Variants in MYZAP observed in about 807,000 individuals in gnomAD.
MYZAP encodes the protein GRINL1A complex locus upstream.
In MYZAP, 66 loss-of-function variants were observed where a neutral mutation model predicts 69.4. The ratio of observed to expected loss-of-function variants is 0.95; its 90% confidence interval spans 0.78 to 1.17. MYZAP has a LOEUF of 1.17. Among genes scored for constraint, MYZAP ranks in the 50% most tolerant of loss-of-function variants. The probability of loss-of-function intolerance (pLI) is 0.00; values close to 1 mark genes in which losing one functional copy is unlikely to be tolerated. For synonymous variants in MYZAP, 256 were observed against 205.9 expected (o/e 1.24, Z -2.09); for missense variants, 611 against 556.2 (o/e 1.10, Z -0.99).
intron 10 of MYZAP, among the ~76,000 whole-genome samples, chr15:57,652,159 C>A (rs2037759405): frequency 6.6e-6 from 1 of 152,106 alleles, no homozygotes; most frequent in Non-Finnish European, 1.5e-5. Context: ...GAAAAATGTA[C>A]CTTTTTCCCT....
intron 5 of MYZAP, among the ~76,000 whole-genome samples, chr15:57,627,171 A>G (rs112893273): frequency 3.3e-5 from 5 of 151,812 alleles, no homozygotes; most frequent in African/African-American, 1.2e-4. Context: ...ATTTGCCAGT[A>G]TTTTCTGGCA....
In MYZAP at chr15:57,663,339, C is replaced by T. The variant is rs187271744; in HGVS notation, c.1203+1806C>T. On this transcript the variant is annotated intron_variant, in intron 11 of 12. Transcript: ENST00000267853. ...GTTGGTTTATGCTCAGTGTATTAAA[C>T]TCATGTCTCACCTTAGTTTGGGTTG... Among the ~76,000 whole-genome samples the T allele has an allele frequency of 7.5e-3, 1,145 of 152,218 alleles. 10 individuals carry two copies. The highest frequency in any genetic ancestry group is 0.049 in the South Asian group (234 of 4,822).
intron 1 of MYZAP, among the ~76,000 whole-genome samples, chr15:57,603,868 A>G (rs1322740556): frequency 1.3e-5 from 2 of 152,248 alleles, no homozygotes. Context: ...TTAAATATAT[A>G]GGCAAGTAGA....
chr15:57,609,896 A>G (rs1354266746), intron 2 of MYZAP, among the ~76,000 whole-genome samples: 1 of 152,166 alleles, frequency 6.6e-6, no homozygotes, highest in Non-Finnish European at 1.5e-5. Flanking sequence ...TTATGTATCC[A>G]TATTCTTATC....
chr15:57,680,807 G>A (rs1399694731), intron 12 of MYZAP: 1 of 152,190 alleles, frequency 6.6e-6, no homozygotes, highest in Non-Finnish European at 1.5e-5. Context: ...GCTTTAAAAT[G>A]CTTATATTTT....
intron 11 of MYZAP, among the ~76,000 whole-genome samples, chr15:57,668,374 G>A (rs1204880527): frequency 6.6e-6 from 1 of 152,082 alleles, no homozygotes; most frequent in Non-Finnish European, 1.5e-5. Flanking sequence ...TTTTCAAAGG[G>A]GTTGTAGTAT....
At chr15:57,646,556 A>G in intron 10 of MYZAP, 1 of 1,019,194 alleles carries the variant, frequency 9.8e-7, no homozygotes, top group Non-Finnish European at 1.2e-6. Flanking sequence ...TACTTATGGA[A>G]AAGCTGCCAA....
chr15:57,613,831 C>T (rs184027415), intron 2 of MYZAP, among the ~76,000 whole-genome samples: 23 of 152,304 alleles, frequency 1.5e-4, no homozygotes, highest in African/African-American at 5.5e-4. Flanking sequence ...AATAAATATA[C>T]ATCATCTGTA....
rs556314939 is a variant in MYZAP, at chr15:57,635,353, T to C, written c.933+1612T>C. On this transcript the variant is annotated intron_variant, in intron 8 of 12. Coordinates refer to ENST00000267853, the MANE Select transcript of MYZAP (RefSeq NM_001018100.5). ...ATTTTTACTCTGTTACGAGGTTGCC[T>C]AAATGTCTACCCTCAGAGTCAGGTT... is the stretch of plus-strand genomic sequence containing the variant. 6.6e-5 allele frequency among the ~76,000 whole-genome samples: 10 copies of C among 152,338 alleles called. No individual in the cohort carries two copies. The South Asian group carries it at 2.1e-3, about 32-fold the overall frequency.
intron 12 of MYZAP, among the ~76,000 whole-genome samples, chr15:57,677,776 C>T (rs2039214256): frequency 6.6e-6 from 1 of 152,230 alleles, no homozygotes; most frequent in Admixed American, 6.5e-5. Flanking sequence ...CAGCCAGCTG[C>T]TAGCTGAGCT....
At position 57,603,732 on chromosome 15, in the gene MYZAP, T is replaced by C. The variant is rs566124601; in HGVS notation, c.76-537T>C. Among the ~76,000 whole-genome samples, 16 of 152,370 alleles carry C rather than the reference T, an allele frequency of 1.1e-4. No homozygotes were observed. The South Asian group carries it at 2.5e-3, about 24-fold the overall frequency. On this transcript the variant is annotated intron_variant, in intron 1 of 12. Coordinates refer to ENST00000267853, the MANE Select transcript of MYZAP (RefSeq NM_001018100.5). ...ATAATATTTTGTTTATCCATTCATCTGTCAATGGACATTTGGGTTGCTTCC... is the reference window on the plus strand; with the variant it reads ...ATAATATTTTGTTTATCCATTCATCCGTCAATGGACATTTGGGTTGCTTCC...
intron 12 of MYZAP, among the ~76,000 whole-genome samples, chr15:57,676,213 T>A (rs2039104712): frequency 6.6e-6 from 1 of 152,062 alleles, no homozygotes; most frequent in South Asian, 2.1e-4. Context: ...TTCCTTACTT[T>A]ATTAATTTTT....
intron 6 of MYZAP, 127 bp from the exon 7 acceptor site, chr15:57,632,307 T>C (rs1430097531): frequency 1.4e-6 from 2 of 1,464,912 alleles, no homozygotes; most frequent in Non-Finnish European, 1.8e-6. Flanking sequence ...TTGCTGTGTC[T>C]CTCTGCTGCA....
chr15:57,676,455 T>TATACAC (rs1555465196), intron 12 of MYZAP, among the ~76,000 whole-genome samples: 1 of 143,136 alleles, frequency 7.0e-6, no homozygotes, highest in African/African-American at 2.6e-5. Context: ...TATATATATA[T>TATACAC]ATACATATAT....
chr15:57,661,230 G>T (rs1445288606), intron 10 of MYZAP, among the ~76,000 whole-genome samples: 2 of 152,212 alleles, frequency 1.3e-5, no homozygotes, highest in African/African-American at 4.8e-5. Flanking sequence ...CACACAATCC[G>T]CCTGTCTTGG....
intron 10 of MYZAP, among the ~76,000 whole-genome samples, chr15:57,657,455 A>C (rs1211414346): frequency 6.6e-6 from 1 of 152,036 alleles, no homozygotes; most frequent in Non-Finnish European, 1.5e-5. Context: ...CATTTATCCA[A>C]CTTCTCTTCC....
chr15:57,606,117 T>G (rs1487993278), intron 2 of MYZAP, among the ~76,000 whole-genome samples: 2 of 152,130 alleles, frequency 1.3e-5, no homozygotes, highest in African/African-American at 4.8e-5. Flanking sequence ...GGTGAAAGAT[T>G]ATTGTAGGAT....
chr15:57,674,399 G>T (rs2039016545), intron 11 of MYZAP, among the ~76,000 whole-genome samples: 1 of 152,178 alleles, frequency 6.6e-6, no homozygotes, highest in African/African-American at 2.4e-5. Flanking sequence ...TTATATGTGT[G>T]AGATTCTGAA....
chr15:57,648,901 A>G (rs1214252849), intron 10 of MYZAP, among the ~76,000 whole-genome samples: 5 of 150,526 alleles, frequency 3.3e-5, no homozygotes, highest in Admixed American at 6.6e-5. Flanking sequence ...TCTCAGAGGC[A>G]GTTTGGTCTC....
Sources: allele counts gnomAD v4.1 joint callset (sites outside exome capture counted in the v4.1 genomes callset), GRCh38; gene constraint gnomAD v4.1.1; transcripts MANE v1.5; gene names NCBI Gene and HGNC (gene_info 2026-07-23, HGNC 2026-07-21).